The following TSPAN14 variants were observed in gnomAD, a reference collection of about 807,000 sequenced individuals.
TSPAN14 encodes the protein tetraspanin 14.
A neutral mutation model predicts 36.6 loss-of-function variants in TSPAN14; 16 were observed. That is an observed-to-expected ratio of 0.44 (90% CI 0.30 to 0.66). TSPAN14 has a LOEUF of 0.66. Ranked by LOEUF, TSPAN14 falls within the 30% of genes least tolerant of loss-of-function variation. The pLI is 0.12. For missense variants in TSPAN14, 231 were observed against 355.1 expected (o/e 0.65, Z 2.81); for synonymous variants, 139 against 143.8 (o/e 0.97, Z 0.24).
intron 2 of TSPAN14, among the ~76,000 whole-genome samples, chr10:80,503,046 A>G (rs1848609600): frequency 6.6e-6 from 1 of 152,074 alleles, no homozygotes; most frequent in South Asian, 2.1e-4. Context: ...GAGGTCAGAT[A>G]CCATGAGGAA....
chr10:80,496,930 G>A (rs971783150), intron 2 of TSPAN14, among the ~76,000 whole-genome samples: 2 of 150,856 alleles, frequency 1.3e-5, no homozygotes, highest in Non-Finnish European at 3.0e-5. Flanking sequence ...TGTCATTCTT[G>A]TGTCTTCTAT....
At chr10:80,502,984 G>A (rs189107420) in intron 2 of TSPAN14, among the ~76,000 whole-genome samples, 4 of 152,122 alleles carry the variant, frequency 2.6e-5, no homozygotes, top group Non-Finnish European at 5.9e-5. Flanking sequence ...CCCGAAGCAG[G>A]GTGTGTCAGT....
At chr10:80,458,939 C>G (rs1039210747) in intron 1 of TSPAN14, among the ~76,000 whole-genome samples, 1 of 151,168 alleles carries the variant, frequency 6.6e-6, no homozygotes, top group African/African-American at 2.4e-5. Context: ...CACCTACTTT[C>G]TAGTTGAGTG....
At chr10:80,457,299 C>T (rs1432597680) in intron 1 of TSPAN14, among the ~76,000 whole-genome samples, 1 of 151,880 alleles carries the variant, frequency 6.6e-6, no homozygotes, top group African/African-American at 2.4e-5. Flanking sequence ...GATTCTTCTC[C>T]TGCCTCAGCC....
At chr10:80,460,363 G>A (rs927902056) in intron 1 of TSPAN14, among the ~76,000 whole-genome samples, 1 of 152,220 alleles carries the variant, frequency 6.6e-6, no homozygotes, top group African/African-American at 2.4e-5. Context: ...TATTGAGGTT[G>A]GGGGATTCTG....
intron 1 of TSPAN14, among the ~76,000 whole-genome samples, chr10:80,486,409 G>A (rs544020437): frequency 1.4e-4 from 21 of 152,372 alleles, no homozygotes; most frequent in African/African-American, 5.0e-4. Flanking sequence ...GCCCCGGGCA[G>A]GGGAGCAGAG....
intron 1 of TSPAN14, among the ~76,000 whole-genome samples, chr10:80,483,540 G>T (rs909482170): frequency 2.0e-5 from 3 of 152,148 alleles, no homozygotes; most frequent in Non-Finnish European, 4.4e-5. Flanking sequence ...CCAAATGGTA[G>T]TAACCGTTTC....
chr10:80,460,213 T>C (rs1398857528), intron 1 of TSPAN14, among the ~76,000 whole-genome samples: 1 of 152,142 alleles, frequency 6.6e-6, no homozygotes, highest in Admixed American at 6.5e-5. Context: ...TGGGGGCTCC[T>C]GAAAATTTCT....
chr10:80,471,151 A>G (rs1846530914), intron 1 of TSPAN14, among the ~76,000 whole-genome samples: 1 of 151,720 alleles, frequency 6.6e-6, no homozygotes, highest in Non-Finnish European at 1.5e-5. Flanking sequence ...TCCCTGAGTC[A>G]GGCACAGGTC....
Position 80,496,937 on chromosome 10 carries a change from C to G in TSPAN14, c.81+7623C>G, listed in dbSNP as rs534194169. 2.3e-4 allele frequency among the ~76,000 whole-genome samples: 35 copies of G among 152,020 alleles called. No homozygotes were observed. The East Asian group carries it at 5.0e-3, about 22-fold the overall frequency. ...ATCTTCTTTGTCATTCTTGTGTCTT[C>G]TATTTACTGAATTTTTTCTCTTATA... On this transcript the variant is annotated intron_variant, in intron 2 of 8. Coordinates refer to ENST00000429989, the Ensembl canonical transcript of TSPAN14.
chr10:80,457,542 T>G (rs544846279), intron 1 of TSPAN14, among the ~76,000 whole-genome samples: 57 of 152,338 alleles, frequency 3.7e-4, no homozygotes, highest in Non-Finnish European at 6.5e-4. Context: ...GTGATTAAAA[T>G]GGATTCATAT....
chr10:80,480,229 T>C (rs1318718313), intron 1 of TSPAN14, among the ~76,000 whole-genome samples: 1 of 151,084 alleles, frequency 6.6e-6, no homozygotes, highest in Non-Finnish European at 1.5e-5. Flanking sequence ...TACAATCATG[T>C]CATCTGCAAA....
chr10:80,517,343 G>A (rs1014054720), intron 8 of TSPAN14, among the ~76,000 whole-genome samples: 1 of 152,198 alleles, frequency 6.6e-6, no homozygotes, highest in Non-Finnish European at 1.5e-5. Flanking sequence ...GGGAAAAAAA[G>A]CCATTTCCAG....
At chr10:80,476,561 A>G (rs536956997) in intron 1 of TSPAN14, among the ~76,000 whole-genome samples, 3 of 151,716 alleles carry the variant, frequency 2.0e-5, no homozygotes, top group South Asian at 2.1e-4. Flanking sequence ...GAATACAGGC[A>G]CCCGCTACCA....
intron 1 of TSPAN14, among the ~76,000 whole-genome samples, chr10:80,485,103 A>G (rs1847514241): frequency 6.6e-6 from 1 of 152,182 alleles, no homozygotes; most frequent in African/African-American, 2.4e-5. Context: ...TAGGCACACA[A>G]AATAGCTTTT....
At chr10:80,520,466 T>C in exon 9 of TSPAN14, 2 of 445,638 alleles carry the variant, frequency 4.5e-6, no homozygotes, top group Admixed American at 2.5e-5. Flanking sequence ...AGCACTGGCC[T>C]GTCCTGAATC....
rs1035869519 is a variant in TSPAN14 at position 80,517,898 on chromosome 10, G to T, written c.742-7G>T. 1.9e-6 allele frequency: 3 copies of T among 1,561,102 alleles called. No individual in the cohort carries two copies. The African/African-American group carries it at 4.1e-5, about 21-fold the overall frequency. ...ATGGCCGCTGACTCTGCTGGTGTTGGTTTCAGATATTTGGCATCTTCCTGG... is the reference window on the plus strand; with the variant it reads ...ATGGCCGCTGACTCTGCTGGTGTTGTTTTCAGATATTTGGCATCTTCCTGG... On this transcript the variant is annotated splice_region_variant and splice_polypyrimidine_tract_variant and intron_variant, in intron 8 of 8. Transcript: ENST00000429989.
intron 1 of TSPAN14, among the ~76,000 whole-genome samples, chr10:80,488,543 CAG>C (rs1349747740): frequency 6.0e-5 from 9 of 150,868 alleles, no homozygotes; most frequent in African/African-American, 1.2e-4. Context: ...GGGCGAGTGA[CAG>C]GGGAGGGAGG....
At chr10:80,505,675 C>T (rs1840251028) in intron 3 of TSPAN14, among the ~76,000 whole-genome samples, 1 of 152,200 alleles carries the variant, frequency 6.6e-6, no homozygotes, top group Admixed American at 6.5e-5. Flanking sequence ...CCCTAAAGGG[C>T]AAGAGCTGGG....
Sources: gnomAD v4.1 joint callset for allele counts (sites outside exome capture counted in the v4.1 genomes callset) on GRCh38, gnomAD v4.1.1 for gene constraint, MANE v1.5 for transcripts, NCBI Gene and HGNC (gene_info 2026-07-23, HGNC 2026-07-21) for gene names.